Variants in PM20D2 observed in about 807,000 individuals in gnomAD.
PM20D2 encodes the protein xaa-Arg dipeptidase.
Under a neutral mutation model 42.9 loss-of-function variants are expected in PM20D2, and 33 were observed. That is an observed-to-expected ratio of 0.77 (90% CI 0.58 to 1.03). PM20D2 has a LOEUF of 1.03. Among genes scored for constraint, PM20D2 ranks in the 50% least tolerant of loss-of-function variants. The pLI is 0.00. For missense variants in PM20D2, 548 were observed against 557.0 expected, an observed-to-expected ratio of 0.98 and a Z score of 0.16; for synonymous variants, 250 against 228.2, an observed-to-expected ratio of 1.10 and a Z score of -0.86.
chr6:89,143,415 G>A (rs897205576), upstream of PM20D2, among the ~76,000 whole-genome samples: 38 of 152,128 alleles, frequency 2.5e-4, no homozygotes, highest in African/African-American at 8.7e-4. Flanking sequence ...TAAGCAGCCA[G>A]GAAAGAAGAG....
At chr6:89,118,143 G>C in the PM20D2 span, 2 of 151,992 alleles carry the variant, frequency 1.3e-5, no homozygotes, top group African/African-American at 4.8e-5. Flanking sequence ...AGACAGGAGC[G>C]CGGCCGTTCC....
At position 89,158,461 on chromosome 6, in the gene PM20D2, G is replaced by A. The variant is rs1274889545; in HGVS notation, c.1048+1G>A. The A allele has an allele frequency of 1.3e-6, 2 of 1,582,578 alleles. No homozygotes were observed. Among genetic ancestry groups the A allele is most frequent in the African/African-American group, 3.1e-5 (2 of 64,112 alleles). On this transcript the variant is annotated splice_donor_variant, in intron 5 of 6. Transcript: ENST00000275072. LOFTEE classifies it high-confidence loss of function. ...GATACAATGTTGAATGGCCCTTCAG[G>A]TAATTAAGTGTTTTTTTATATATTG... is the stretch of plus-strand genomic sequence containing the variant.
chr6:89,127,422 C>T, the PM20D2 span, among the ~76,000 whole-genome samples: 25 of 151,908 alleles, frequency 1.6e-4, no homozygotes, highest in South Asian at 6.2e-4. Context: ...CTCTGCCTCC[C>T]GGGTTCAAGC....
upstream of PM20D2, among the ~76,000 whole-genome samples, chr6:89,142,645 C>T (rs894629567): frequency 2.0e-5 from 3 of 151,970 alleles, no homozygotes; most frequent in Non-Finnish European, 2.9e-5. Context: ...ATTCCTTTCC[C>T]CCACAATTAT....
chr6:89,150,483 C>T (rs1011350054), intron 2 of PM20D2, among the ~76,000 whole-genome samples: 1 of 150,850 alleles, frequency 6.6e-6, no homozygotes, highest in Non-Finnish European at 1.5e-5. Context: ...CACTTGACCC[C>T]AGACCTTCTC....
upstream of PM20D2, among the ~76,000 whole-genome samples, chr6:89,145,738 AG>A (rs1770508171): frequency 6.6e-6 from 1 of 152,198 alleles, no homozygotes; most frequent in South Asian, 2.1e-4. Flanking sequence ...CGTTTTTCCG[AG>A]GACTGTGTTC....
chr6:89,112,132 C>T, the PM20D2 span, among the ~76,000 whole-genome samples: 16 of 152,062 alleles, frequency 1.1e-4, no homozygotes, highest in African/African-American at 3.6e-4. Context: ...CTCAGCCTGC[C>T]GAGTAGCTGG....
the PM20D2 span, among the ~76,000 whole-genome samples, chr6:89,121,266 C>T: frequency 6.8e-6 from 1 of 146,422 alleles, no homozygotes; most frequent in African/African-American, 2.4e-5. Flanking sequence ...TACATAAAAA[C>T]GTATGTTCTT....
chr6:89,116,969 A>G, the PM20D2 span, among the ~76,000 whole-genome samples: 4 of 150,810 alleles, frequency 2.7e-5, no homozygotes, highest in African/African-American at 1.0e-4. Context: ...CTGCATAGGT[A>G]GAAAGGCTGG....
In PM20D2 at chr6:89,162,218, T is replaced by C. The variant is rs144587816; in HGVS notation, c.1266T>C (p.Phe422=). The C allele has an allele frequency of 3.1e-6, 5 of 1,614,138 alleles. No individual in the cohort carries two copies. In the African/African-American group the frequency reaches 5.3e-5, roughly 17 times the overall value. Residue 422 remains phenylalanine (F), a synonymous_variant, in exon 7 of 7, where the codon TTT becomes TTC. Coordinates refer to ENST00000275072, the MANE Select transcript of PM20D2 (RefSeq NM_001010853.3). The part of the protein sequence containing the change: ...PELLEGIRED[F]KLKLQEEQFV... The stretch of plus-strand genomic sequence containing the variant: ...TACTGGAAGGAATCAGAGAGGACTT[T>C]AAACTGAAACTTCAAGAAGAACAGT...
the PM20D2 span, among the ~76,000 whole-genome samples, chr6:89,120,417 G>T: frequency 1.3e-5 from 2 of 152,028 alleles, no homozygotes; most frequent in Non-Finnish European, 2.9e-5. Flanking sequence ...TTTGGGGGCC[G>T]CCATTCAAAC....
chr6:89,098,536 T>TA, the PM20D2 span: 1 of 1,539,816 alleles, frequency 6.5e-7, no homozygotes, highest in Middle Eastern at 1.8e-4. Flanking sequence ...GAGAGTTTAA[T>TA]AACTTATATT....
chr6:89,158,195 G>A (rs1233269208), intron 4 of PM20D2, 130 bp from the exon 5 acceptor site: 3 of 760,276 alleles, frequency 3.9e-6, no homozygotes, highest in African/African-American at 3.6e-5. Flanking sequence ...AGATTTGAGA[G>A]TGTTTATATC....
chr6:89,117,391 C>G, the PM20D2 span, among the ~76,000 whole-genome samples: 26 of 152,240 alleles, frequency 1.7e-4, no homozygotes, highest in Admixed American at 1.7e-3. Context: ...AGCCCCAATT[C>G]CTCTCCATCT....
chr6:89,130,242 C>T, the PM20D2 span, among the ~76,000 whole-genome samples: 5 of 151,858 alleles, frequency 3.3e-5, no homozygotes, highest in South Asian at 2.1e-4. Flanking sequence ...CATCACCACG[C>T]GTGGCTATTT....
At chr6:89,112,407 G>T in the PM20D2 span, among the ~76,000 whole-genome samples, 1 of 149,924 alleles carries the variant, frequency 6.7e-6, no homozygotes, top group African/African-American at 2.5e-5. Context: ...AAGTCCTACT[G>T]TCCAAATTAA....
chr6:89,154,564 T>A (rs1252404517), intron 3 of PM20D2, among the ~76,000 whole-genome samples, 184 bp from the exon 4 acceptor site: 1 of 152,220 alleles, frequency 6.6e-6, no homozygotes, highest in African/African-American at 2.4e-5. Context: ...CCAAAAAATA[T>A]CACCCTATGT....
the PM20D2 span, among the ~76,000 whole-genome samples, chr6:89,104,127 T>A: frequency 1.3e-5 from 2 of 151,482 alleles, no homozygotes; most frequent in African/African-American, 4.9e-5. Flanking sequence ...CCTGGACATT[T>A]TATTGTATTT....
intron 2 of PM20D2, among the ~76,000 whole-genome samples, chr6:89,151,398 T>G (rs1178748862): frequency 6.6e-6 from 1 of 151,902 alleles, no homozygotes; most frequent in Non-Finnish European, 1.5e-5. Flanking sequence ...CCCAGCTAAT[T>G]TTTGTATTTT....
Sources: allele counts gnomAD v4.1 joint callset (sites outside exome capture counted in the v4.1 genomes callset), GRCh38; gene constraint gnomAD v4.1.1; transcripts MANE v1.5; gene names NCBI Gene and HGNC (gene_info 2026-07-23, HGNC 2026-07-21).